Variants in AGPAT3 observed in about 807,000 individuals in gnomAD.
AGPAT3 encodes the protein 1-acylglycerol-3-phosphate O-acyltransferase 3, also known as 1-acyl-sn-glycerol-3-phosphate acyltransferase gamma.
Under a neutral mutation model 47.3 loss-of-function variants are expected in AGPAT3, and 5 were observed. The ratio of observed to expected loss-of-function variants is 0.11; its 90% confidence interval spans 0.06 to 0.22. AGPAT3 has a LOEUF of 0.22. Among genes scored for constraint, AGPAT3 ranks in the 10% least tolerant of loss-of-function variants. AGPAT3 has a pLI of 1.00. For missense variants in AGPAT3, 315 were observed against 493.0 expected, an observed-to-expected ratio of 0.64 and a Z score of 3.42; for synonymous variants, 212 against 208.3, an observed-to-expected ratio of 1.02 and a Z score of -0.15.
chr21:43,969,768 G>A (rs937898118), intron 5 of AGPAT3, among the ~76,000 whole-genome samples: 1 of 152,016 alleles, frequency 6.6e-6, no homozygotes, highest in Non-Finnish European at 1.5e-5. Flanking sequence ...TGCAATCTCG[G>A]GTCACTGCAA....
Position 43,907,893 on chromosome 21 carries a change from T to C in AGPAT3, c.-49+3874T>C, listed in dbSNP as rs184088304. On this transcript the variant is annotated intron_variant, in intron 2 of 9. Coordinates refer to ENST00000291572, the MANE Select transcript of AGPAT3 (RefSeq NM_020132.5). ...CGATACCATGTTAAAGCCACACGTT[T>C]GTCGATTCCCCTGCTCGGGTGTTTG... 2.6e-5 allele frequency among the ~76,000 whole-genome samples: 4 copies of C among 152,294 alleles called. No homozygotes were observed. The East Asian group carries it at 7.7e-4, about 29-fold the overall frequency.
At chr21:43,938,668 C>T (rs150743536) in intron 2 of AGPAT3, among the ~76,000 whole-genome samples, 5 of 152,310 alleles carry the variant, frequency 3.3e-5, no homozygotes, top group Admixed American at 6.5e-5. Context: ...GTAAATGGTG[C>T]GCCTCATATT....
rs2088370867 is a variant in AGPAT3, at chr21:43,954,921, C to T, written c.-48-4713C>T. The T allele has an allele frequency of 1.3e-6, 1 of 775,508 alleles. No homozygotes were observed. Among genetic ancestry groups the T allele is most frequent in the African/African-American group, 1.9e-5 (1 of 53,268 alleles). The allele number at this position is 775,508 out of a possible 1,614,324, so 48.0% of individuals were successfully genotyped here. Reference sequence around the variant, plus strand: ...GGAGTCTCTGCGTAGACTTTCTAGCCCAGAGGTTCAGGTGATGGACCAGAG... The same window carrying T: ...GGAGTCTCTGCGTAGACTTTCTAGCTCAGAGGTTCAGGTGATGGACCAGAG... On this transcript the variant is annotated intron_variant, in intron 2 of 9. Transcript: ENST00000291572. The surrounding 1 kb of genome is among the most constrained non-coding windows in gnomAD (Gnocchi z 4.0).
chr21:43,898,953 T>C (rs1182020416), intron 1 of AGPAT3, among the ~76,000 whole-genome samples: 1 of 152,212 alleles, frequency 6.6e-6, no homozygotes, highest in Non-Finnish European at 1.5e-5. Context: ...TGAACTCAAG[T>C]GATCCTTGTG....
chr21:43,960,447 G>T (rs1033828836), intron 3 of AGPAT3, among the ~76,000 whole-genome samples: 2 of 152,220 alleles, frequency 1.3e-5, no homozygotes, highest in African/African-American at 4.8e-5. Context: ...GCGTCGTGGG[G>T]ACATGAACAG....
intron 7 of AGPAT3, 78 bp from the exon 8 acceptor site, chr21:43,977,946 CCATAGGCCACCCTGGCACACGA>C: frequency 1.2e-6 from 1 of 868,410 alleles, no homozygotes; most frequent in Non-Finnish European, 1.8e-6. Flanking sequence ...GGAGTGGGGC[CCATAGGCCACCCTGGCACACGA>C]CATGTTCCCC....
chr21:43,982,352 G>C lies in AGPAT3; in HGVS notation c.1091G>C (p.Gly364Ala), dbSNP rs1423220138. 1.9e-6 allele frequency: 3 copies of C among 1,614,078 alleles called. No homozygotes were observed. The highest frequency in any genetic ancestry group is 1.3e-5 in the African/African-American group (1 of 75,030). ...ATAGGAGTAACTGAGATAGAAAAAG[G>C]CTCCAGCTACGGAAACCAAGAGTTT... ...RLIGVTEIEK[G>A]SSYGNQEFKK... The change falls in exon 10 of 10, where the codon GGC becomes GCC. Residue 364 changes from glycine (G) to alanine (A), a missense_variant. Physicochemically the swap from Gly to Ala is moderately conservative, Grantham distance 60 (BLOSUM62 0). Coordinates refer to ENST00000291572, the MANE Select transcript of AGPAT3 (RefSeq NM_020132.5). The surrounding 1 kb of genome is among the most constrained non-coding windows in gnomAD (Gnocchi z 6.2).
chr21:43,919,441 C>T (rs111934981), intron 2 of AGPAT3, among the ~76,000 whole-genome samples: 94 of 152,308 alleles, frequency 6.2e-4, no homozygotes, highest in African/African-American at 1.8e-3. Flanking sequence ...TAATGGCCTC[C>T]AGCTCCATCC....
At chr21:43,927,213 A>T (rs912983087) in intron 2 of AGPAT3, among the ~76,000 whole-genome samples, 1 of 152,134 alleles carries the variant, frequency 6.6e-6, no homozygotes, top group Non-Finnish European at 1.5e-5. Flanking sequence ...AGCAAGGTGT[A>T]TTACTCTCTT....
intron 1 of AGPAT3, among the ~76,000 whole-genome samples, chr21:43,896,943 G>GTTTTTTTTTTTTTTTTTTTTT (rs61657564): frequency 4.7e-5 from 2 of 42,320 alleles, no homozygotes; most frequent in Non-Finnish European, 4.4e-5. Context: ...TTGACAGTCC[G>GTTTTTTTTTTTTTTTTTTTTT]TTTTTTTTTT....
chr21:43,907,182 G>A (rs547687716), intron 2 of AGPAT3, among the ~76,000 whole-genome samples: 2 of 152,020 alleles, frequency 1.3e-5, no homozygotes, highest in Non-Finnish European at 2.9e-5. Flanking sequence ...ACGGGCATGG[G>A]CCACCACACG....
At chr21:43,911,760 G>A (rs527880060) in intron 2 of AGPAT3, among the ~76,000 whole-genome samples, 14 of 152,328 alleles carry the variant, frequency 9.2e-5, no homozygotes, top group African/African-American at 3.4e-4. Flanking sequence ...TTTATTGACC[G>A]GGTCATCTGT....
In AGPAT3 at chr21:43,985,258, C is replaced by T. The variant is rs943211357; in HGVS notation, c.*2866C>T. On this transcript the variant is annotated 3_prime_UTR_variant, in exon 10 of 10. Transcript: ENST00000291572. ...GAGACACTGGTTGTCTGGTACTCGG[C>T]GACAGTGTACCAGACGCGCACCCTA... 2 of 456,062 alleles carry T rather than the reference C, an allele frequency of 4.4e-6. No individual in the cohort carries two copies. Among genetic ancestry groups the T allele is most frequent in the African/African-American group, 2.0e-5 (1 of 50,178 alleles). The allele number at this position is 456,062 out of a possible 1,614,324, so 28.3% of individuals were successfully genotyped here.
intron 2 of AGPAT3, among the ~76,000 whole-genome samples, chr21:43,904,566 C>T (rs2086442425): frequency 1.3e-5 from 2 of 152,226 alleles, no homozygotes; most frequent in South Asian, 4.1e-4. Flanking sequence ...GTGCCCTGCT[C>T]CTGGGGGACG....
intron 2 of AGPAT3, among the ~76,000 whole-genome samples, chr21:43,957,147 C>T (rs998657525): frequency 4.6e-5 from 7 of 152,172 alleles, no homozygotes; most frequent in Middle Eastern, 3.4e-3. Flanking sequence ...GCATCTGTGG[C>T]CCCCGAGTGC....
In AGPAT3 at chr21:43,880,746, G is replaced by A. The variant is rs150286619; in HGVS notation, c.-112+15401G>A. ...CTCCCCAAAGTGGAAACAAGGACACGTCTAGAGACAGGCGCTGGACGTCTC... is the reference window on the plus strand; with the variant it reads ...CTCCCCAAAGTGGAAACAAGGACACATCTAGAGACAGGCGCTGGACGTCTC... On this transcript the variant is annotated intron_variant, in intron 1 of 9. Transcript: ENST00000291572. The surrounding 1 kb of genome is among the most constrained non-coding windows in gnomAD (Gnocchi z 4.5). Among the ~76,000 whole-genome samples the A allele has an allele frequency of 4.3e-4, 65 of 152,316 alleles. 1 individual carries two copies. Among genetic ancestry groups the A allele is most frequent in the African/African-American group, 1.4e-3 (57 of 41,552 alleles).
rs537922619 is a variant in AGPAT3, at chr21:43,956,275, CCTGGGGGG to C, written c.-48-3358_-48-3351del. Reference sequence around the variant, plus strand: ...TCTGCTCTAAGGGGCCCCTGCCCACCCTGGGGGGGCTGCAGTGTGTCTGGGCGAGCACT... The same window carrying C: ...TCTGCTCTAAGGGGCCCCTGCCCACCGCTGCAGTGTGTCTGGGCGAGCACT... On this transcript the variant is annotated intron_variant, in intron 2 of 9. Transcript: ENST00000291572. 3.8e-3 allele frequency among the ~76,000 whole-genome samples: 578 copies of C among 152,336 alleles called. 2 individuals are homozygous for C. Among genetic ancestry groups the C allele is most frequent in the Non-Finnish European group, 6.7e-3 (456 of 68,034 alleles).
intron 1 of AGPAT3, among the ~76,000 whole-genome samples, chr21:43,903,050 T>C (rs1337490685): frequency 6.6e-6 from 1 of 152,142 alleles, no homozygotes; most frequent in Admixed American, 6.5e-5. Flanking sequence ...CAGTCCATAG[T>C]GTCTGTAGTG....
intron 1 of AGPAT3, among the ~76,000 whole-genome samples, chr21:43,884,413 G>A (rs935607777): frequency 6.6e-6 from 1 of 152,198 alleles, no homozygotes; most frequent in African/African-American, 2.4e-5. Flanking sequence ...CCTCGTCCCT[G>A]TTTTCTGCTG....
Sources: allele counts gnomAD v4.1 joint callset (sites outside exome capture counted in the v4.1 genomes callset), GRCh38; gene constraint gnomAD v4.1.1; non-coding constraint Gnocchi (gnomAD v3.1); transcripts MANE v1.5; gene names NCBI Gene and HGNC (gene_info 2026-07-23, HGNC 2026-07-21).